MAST1: variants seen among roughly 807,000 people sequenced by gnomAD.
The protein encoded by MAST1 is microtubule associated serine/threonine kinase 1.
MAST1 carries 40 observed loss-of-function variants against 124.6 expected under a neutral mutation model. The ratio of observed to expected loss-of-function variants is 0.32; its 90% CI spans 0.25 to 0.42. The LOEUF is 0.42. Ranked by LOEUF, MAST1 falls within the 10% of genes least tolerant of loss-of-function variation. The probability of loss-of-function intolerance (pLI) is 1.00; values close to 1 mark genes in which losing one functional copy is unlikely to be tolerated. For synonymous variants in MAST1, 938 were observed against 939.4 expected, an observed-to-expected ratio of 1.00 and a Z score of 0.03; for missense variants, 1,558 against 2,181.9, an observed-to-expected ratio of 0.71 and a Z score of 5.70.
rs372317051 is a variant in MAST1 at position 12,867,604 on chromosome 19, G to A, written c.2270G>A (p.Gly757Asp). 1.2e-6 allele frequency: 2 copies of A among 1,612,540 alleles called. No individual in the cohort carries two copies. The highest frequency in any genetic ancestry group is 1.7e-6 in the Non-Finnish European group (2 of 1,179,400). ...EKVAGKREGLGGLTLREKTWR... is the reference protein window; with the variant it reads ...EKVAGKREGLDGLTLREKTWR... Reference sequence around the variant, plus strand: ...GTGGCCGGCAAGCGGGAGGGGCTGGGCGGCCTGACCCTGCGTGAGAAGACC... The same window carrying A: ...GTGGCCGGCAAGCGGGAGGGGCTGGACGGCCTGACCCTGCGTGAGAAGACC... The change falls in exon 19 of 26, where the codon GGC becomes GAC. Residue 757 changes from glycine to aspartate, a missense_variant. Gly to Asp is a moderately conservative substitution (Grantham distance 94). This residue lies in a region of MAST1 where 287 missense variants were observed against 308.0 expected (regional missense o/e 0.93). Coordinates refer to ENST00000251472, the MANE Select transcript of MAST1 (RefSeq NM_014975.3).
intron 10 of MAST1, among the ~76,000 whole-genome samples, chr19:12,857,741 A>C (rs539767939): frequency 6.6e-6 from 1 of 152,198 alleles, no homozygotes; most frequent in South Asian, 2.1e-4. Context: ...AAGAGCTGTA[A>C]CTCTGGCTGG....
At chr19:12,849,422 G>A (rs1027160250) in intron 7 of MAST1, among the ~76,000 whole-genome samples, 1 of 152,144 alleles carries the variant, frequency 6.6e-6, no homozygotes, top group Admixed American at 6.6e-5. Context: ...CCAGCACTTT[G>A]GGAGGCTGAG....
intron 7 of MAST1, 150 bp from the exon 8 acceptor site, chr19:12,851,784 C>T (rs907801503): frequency 4.8e-6 from 3 of 629,352 alleles, no homozygotes; most frequent in Non-Finnish European, 8.3e-6. Flanking sequence ...CCGTGCCCAG[C>T]CTCATTATTT....
intron 12 of MAST1, 98 bp from the exon 13 acceptor site, chr19:12,864,711 A>C: frequency 2.7e-6 from 4 of 1,502,812 alleles, no homozygotes; most frequent in Non-Finnish European, 3.6e-6. Context: ...CCTTATCTAT[A>C]AAACGGGTAC....
At chr19:12,846,870 CAAA>C (rs386388580) in intron 4 of MAST1, among the ~76,000 whole-genome samples, 3 of 47,388 alleles carry the variant, frequency 6.3e-5, no homozygotes, top group Non-Finnish European at 1.2e-4. Flanking sequence ...AACTCCATCT[CAAA>C]AAAAAAAAAA....
At chr19:12,848,268 G>A (rs1043919874) in intron 7 of MAST1, 1 of 572,816 alleles carries the variant, frequency 1.7e-6, no homozygotes, top group Non-Finnish European at 3.1e-6. Context: ...TTTCCCTTAG[G>A]TCTTTACTCA....
intron 12 of MAST1, among the ~76,000 whole-genome samples, chr19:12,859,642 T>C (rs1970055733): frequency 6.6e-6 from 1 of 151,816 alleles, no homozygotes; most frequent in Non-Finnish European, 1.5e-5. Context: ...CTACCAAAAA[T>C]ACAAAAATTA....
Position 12,874,510 on chromosome 19 carries a change from G to A in MAST1, c.4353G>A (p.Gln1451=). The A allele has an allele frequency of 1.3e-6, 2 of 1,540,838 alleles. No individual in the cohort carries two copies. The highest frequency in any genetic ancestry group is 1.2e-5 in the South Asian group (1 of 82,866). The change falls in exon 26 of 26, where the codon CAG becomes CAA. Residue 1451 remains glutamine (Q), a synonymous_variant. Transcript: ENST00000251472. The surrounding 1 kb of genome is among the most constrained non-coding windows in gnomAD (Gnocchi z 6.6). ...ARPGAKAVVP[Q]PLGADSKGLQ... is the part of the protein sequence containing the mutation. ...CCGGGGCTAAGGCTGTGGTGCCTCA[G>A]CCTCTGGGCGCGGACTCCAAGGGGT...
chr19:12,874,219 A>C lies in MAST1; in HGVS notation c.4062A>C (p.Pro1354=). The stretch of plus-strand genomic sequence containing the variant: ...TGCCCGAGGGTGCCTCCAGGCCACC[A>C]GTGTCGAGCAAGGAGAAGGAATCCC... The part of the protein sequence containing the change: ...PLLPEGASRP[P]VSSKEKESPG... The change falls in exon 26 of 26, where the codon CCA becomes CCC. Residue 1354 remains proline, a synonymous_variant. Coordinates refer to ENST00000251472, the MANE Select transcript of MAST1 (RefSeq NM_014975.3). The surrounding 1 kb of genome is among the most constrained non-coding windows in gnomAD (Gnocchi z 6.6). 1 of 1,547,232 alleles carries C rather than the reference A, an allele frequency of 6.5e-7. No individual in the cohort carries two copies.
rs1385565126 is a variant in MAST1, at chr19:12,867,506, C to A, written c.2172C>A (p.His724Gln). The A allele has an allele frequency of 6.2e-7, 1 of 1,613,724 alleles. No individual in the cohort carries two copies. Among genetic ancestry groups the A allele is most frequent in the Admixed American group, 1.7e-5 (1 of 60,004 alleles). ...VYSSMEQLSQHEPKTPVAAAG... is the reference protein window; with the variant it reads ...VYSSMEQLSQQEPKTPVAAAG... ...GCAGCATGGAGCAGCTGTCGCAGCA[C>A]GAGCCCAAGACCCCAGTAGCAGCTG... The change falls in exon 19 of 26, where the codon CAC (histidine) becomes CAA (glutamine). Residue 724 changes from histidine (H) to glutamine (Q), a missense_variant. Physicochemically the swap from His to Gln is conservative, Grantham distance 24. Transcript: ENST00000251472.
At position 12,841,048 on chromosome 19, in the gene MAST1, C is replaced by T; in HGVS notation, c.230C>T (p.Ser77Leu). 2.0e-6 allele frequency: 3 copies of T among 1,524,530 alleles called. No homozygotes were observed. Among genetic ancestry groups the T allele is most frequent in the Non-Finnish European group, 2.7e-6 (3 of 1,097,944 alleles). The allele number at this position is 1,524,530 out of a possible 1,614,324, so 94.4% of individuals were successfully genotyped here. A position where few individuals can be genotyped will look rare whatever the true frequency, so the allele number is the denominator to read the frequency against. Residue 77 changes from serine (S) to leucine (L), a missense_variant, in exon 3 of 26, where the codon TCG (serine) becomes TTG (leucine). Coordinates refer to ENST00000251472, the MANE Select transcript of MAST1 (RefSeq NM_014975.3). This position sits in a 1 kb window ranked among gnomAD's most constrained non-coding sequence, Gnocchi z 4.3. ...NFSPNTPAHF[S>L]FASSRRADGR... ...TCCCCCAACACCCCCGCCCACTTCTCGTTTGCCTCCTCCCGAAGGTGAGTC... is the reference window on the plus strand; with the variant it reads ...TCCCCCAACACCCCCGCCCACTTCTTGTTTGCCTCCTCCCGAAGGTGAGTC...
At chr19:12,856,345 CAGGCTGGAGTG>C (rs1970017454) in intron 10 of MAST1, among the ~76,000 whole-genome samples, 5 of 151,146 alleles carry the variant, frequency 3.3e-5, no homozygotes, top group African/African-American at 4.9e-5. Context: ...TCTTGTTGCC[CAGGCTGGAGTG>C]CAACAGTGTG....
intron 4 of MAST1, among the ~76,000 whole-genome samples, chr19:12,844,551 T>C (rs926533186): frequency 3.9e-5 from 6 of 152,016 alleles, no homozygotes; most frequent in African/African-American, 1.5e-4. Flanking sequence ...TGGGGGGTTG[T>C]CAAGGAAGGC....
Position 12,865,883 on chromosome 19 carries a change from C to T in MAST1, c.1906+65C>T. ...GAGAGCAGGCCTCCAAAACCCCAGG[C>T]CCAGCCTGTGCTGTGGCCCCGGGGC... On this transcript the variant is annotated intron_variant, in intron 16 of 25. Coordinates refer to ENST00000251472, the MANE Select transcript of MAST1 (RefSeq NM_014975.3). This position sits in a 1 kb window ranked among gnomAD's most constrained non-coding sequence, Gnocchi z 7.1. 6.2e-7 allele frequency: 1 copy of T among 1,603,772 alleles called. No homozygotes were observed. Among genetic ancestry groups the T allele is most frequent in the Non-Finnish European group, 8.5e-7 (1 of 1,172,986 alleles).
chr19:12,868,987 T>TCC, intron 21 of MAST1, 79 bp from the exon 22 acceptor site: 1 of 1,553,216 alleles, frequency 6.4e-7, no homozygotes, highest in South Asian at 1.1e-5. Flanking sequence ...TGCCACTGCC[T>TCC]TGGGAGGAGG....
chr19:12,867,485 C>G lies in MAST1; in HGVS notation c.2151C>G (p.Ser717Arg). ...CSPRFSKVYS[S>R]MEQLSQHEPK... ...ACCACCACCTACAGGTGTATAGCAG[C>G]ATGGAGCAGCTGTCGCAGCACGAGC... is the stretch of plus-strand genomic sequence containing the variant. The change falls in exon 19 of 26, where the codon AGC (serine) becomes AGG (arginine). Residue 717 changes from serine to arginine, a missense_variant. By Grantham distance (110) the Ser-to-Arg change is moderately radical. Coordinates refer to ENST00000251472, the MANE Select transcript of MAST1 (RefSeq NM_014975.3). The G allele has an allele frequency of 6.2e-7, 1 of 1,613,450 alleles. No homozygotes were observed. Among genetic ancestry groups the G allele is most frequent in the Non-Finnish European group, 8.5e-7 (1 of 1,179,996 alleles).
At chr19:12,868,061 G>T in intron 20 of MAST1, 84 bp downstream of exon 20, 4 of 1,219,372 alleles carry the variant, frequency 3.3e-6, no homozygotes, top group Non-Finnish European at 4.4e-6. Context: ...GCCTGGTGCT[G>T]TTTATGAAAG....
intron 1 of MAST1, among the ~76,000 whole-genome samples, chr19:12,839,440 GAA>G (rs1969800901): frequency 6.6e-6 from 1 of 152,174 alleles, no homozygotes; most frequent in Non-Finnish European, 1.5e-5. Context: ...ATGCATCCAA[GAA>G]TGTCACAACA....
In MAST1 at chr19:12,869,174, T is replaced by A; in HGVS notation, c.2882T>A (p.Val961Asp). The change falls in exon 22 of 26, where the codon GTC becomes GAC. Residue 961 changes from valine (V) to aspartate (D), a missense_variant. Transcript: ENST00000251472. ...CCCAGCCGGGACTACTCACCAGCTG[T>A]CAGTGGGCTCCGCTCCCCCATCACC... The part of the protein sequence containing the change: ...SSPSRDYSPA[V>D]SGLRSPITIQ... 5 of 1,614,180 alleles carry A rather than the reference T, an allele frequency of 3.1e-6. No homozygotes were observed. Among genetic ancestry groups the A allele is most frequent in the Non-Finnish European group, 4.2e-6 (5 of 1,180,026 alleles).
Sources: gnomAD v4.1 joint callset for allele counts (sites outside exome capture counted in the v4.1 genomes callset) on GRCh38, gnomAD v4.1.1 for gene constraint, gnomAD v4.1.1 regional missense constraint, Gnocchi (gnomAD v3.1) non-coding constraint, MANE v1.5 for transcripts, NCBI Gene and HGNC (gene_info 2026-07-23, HGNC 2026-07-21) for gene names.